Variants in H6PD observed in about 807,000 individuals in gnomAD.
H6PD encodes GDH/6PGL endoplasmic bifunctional protein.
In H6PD, 48 loss-of-function variants were observed where a neutral mutation model predicts 61.2. That is an observed-to-expected ratio of 0.78 (90% CI 0.62 to 1.00). The LOEUF is 1.00. Ranked by LOEUF, H6PD falls within the 50% of genes least tolerant of loss-of-function variation. The pLI is 0.00. For synonymous variants in H6PD, 480 were observed against 457.9 expected (o/e 1.05, Z -0.62); for missense variants, 1,093 against 1,065.0 (o/e 1.03, Z -0.37).
intron 3 of H6PD, among the ~76,000 whole-genome samples, chr1:9,259,942 G>A (rs1004127322): frequency 2.6e-5 from 4 of 151,094 alleles, no homozygotes; most frequent in African/African-American, 9.7e-5. Flanking sequence ...TGTTATGCTG[G>A]TGGTGTTATG....
intron 3 of H6PD, among the ~76,000 whole-genome samples, chr1:9,250,355 C>T (rs1055485054): frequency 6.6e-6 from 1 of 151,752 alleles, no homozygotes; most frequent in African/African-American, 2.4e-5. Context: ...AAGTGCACGG[C>T]AGGCCATTCT....
intron 1 of H6PD, among the ~76,000 whole-genome samples, chr1:9,236,531 A>T (rs1640853338): frequency 6.6e-6 from 1 of 152,108 alleles, no homozygotes; most frequent in African/African-American, 2.4e-5. Flanking sequence ...GGGGCAGCGG[A>T]TGCCTGTAAT....
chr1:9,246,885 T>A, intron 2 of H6PD, 81 bp from the exon 3 acceptor site: 1 of 950,948 alleles, frequency 1.1e-6, no homozygotes, highest in Non-Finnish European at 1.7e-6. Context: ...AATAGAAAGG[T>A]CAGAGCCCTT....
intron 1 of H6PD, among the ~76,000 whole-genome samples, chr1:9,240,688 C>A (rs2268172): frequency 0.27 from 41,792 of 152,122 alleles, 8,060 homozygotes; most frequent in African/African-American, 0.55. Flanking sequence ...ATTTTTTGAG[C>A]AGAAGTGATT....
At chr1:9,238,318 G>A (rs906386932) in intron 1 of H6PD, among the ~76,000 whole-genome samples, 3 of 152,134 alleles carry the variant, frequency 2.0e-5, no homozygotes, top group African/African-American at 4.8e-5. Context: ...TGTAGACTCT[G>A]CAGACATCTG....
chr1:9,265,179 A>C lies in H6PD; in HGVS notation c.*310A>C. 4.4e-6 allele frequency: 2 copies of C among 459,176 alleles called. No homozygotes were observed. Among genetic ancestry groups the C allele is most frequent in the Non-Finnish European group, 8.1e-6 (2 of 247,322 alleles). The allele number at this position is 459,176 out of a possible 1,614,324, so 28.4% of individuals were successfully genotyped here. ...ACACATTCATATCAACCAGCACAAC[A>C]CGGGATGGCGCCCAAACTCCGGCGT... On this transcript the variant is annotated 3_prime_UTR_variant, in exon 5 of 5. Coordinates refer to ENST00000377403, the MANE Select transcript of H6PD (RefSeq NM_004285.4).
At chr1:9,258,098 G>A (rs1355934010) in intron 3 of H6PD, among the ~76,000 whole-genome samples, 2 of 152,248 alleles carry the variant, frequency 1.3e-5, no homozygotes, top group African/African-American at 4.8e-5. Flanking sequence ...TGCGTGCAGG[G>A]TCTTTGTGAG....
chr1:9,268,165 G>A lies in H6PD; in HGVS notation c.*3296G>A, dbSNP rs1638630845. On this transcript the variant is annotated 3_prime_UTR_variant, in exon 5 of 5. Coordinates refer to ENST00000377403, the MANE Select transcript of H6PD (RefSeq NM_004285.4). ...GAGGTGGGAGGATCACCTGAGCCCA[G>A]GAGACTGAGGCTGCAGTAAGGTGTG... The A allele has an allele frequency of 6.6e-6, 1 of 150,906 alleles. No homozygotes were observed. The highest frequency in any genetic ancestry group is 1.5e-5 in the Non-Finnish European group (1 of 67,938). 9.3% of individuals were successfully genotyped at this position (150,906 alleles called of 1,614,324 possible).
In H6PD at chr1:9,268,186, G is replaced by A. The variant is rs1638631592; in HGVS notation, c.*3317G>A. 2 of 150,728 alleles carry A rather than the reference G, an allele frequency of 1.3e-5. No individual in the cohort carries two copies. The highest frequency in any genetic ancestry group is 6.7e-5 in the Admixed American group (1 of 15,030). 9.3% of individuals were successfully genotyped at this position (150,728 alleles called of 1,614,324 possible). On this transcript the variant is annotated 3_prime_UTR_variant, in exon 5 of 5. Coordinates refer to ENST00000377403, the MANE Select transcript of H6PD (RefSeq NM_004285.4). ...CCCAGGAGACTGAGGCTGCAGTAAG[G>A]TGTGATTGCACTATTGCTCTCTAGC...
chr1:9,244,504 C>G (rs1341611302), intron 1 of H6PD, among the ~76,000 whole-genome samples: 2 of 152,160 alleles, frequency 1.3e-5, no homozygotes, highest in African/African-American at 2.4e-5. Context: ...TTCCAACTGT[C>G]GCCTGAGGAC....
intron 1 of H6PD, chr1:9,242,458 AT>A: frequency 4.8e-6 from 2 of 419,252 alleles, no homozygotes; most frequent in Non-Finnish European, 6.4e-6. Context: ...AATATCTTGG[AT>A]TTGTTTAAAG....
chr1:9,235,997 T>C (rs557232309), intron 1 of H6PD, among the ~76,000 whole-genome samples: 78 of 152,294 alleles, frequency 5.1e-4, no homozygotes, highest in African/African-American at 1.9e-3. Context: ...AGTTTTTCCT[T>C]GGCATTTTTC....
At chr1:9,258,091 G>A (rs956633225) in intron 3 of H6PD, among the ~76,000 whole-genome samples, 2 of 152,260 alleles carry the variant, frequency 1.3e-5, no homozygotes, top group African/African-American at 4.8e-5. Flanking sequence ...CGGTGCCTGC[G>A]TGCAGGGTCT....
At chr1:9,242,231 G>C (rs1195815574) in intron 1 of H6PD, among the ~76,000 whole-genome samples, 2 of 152,040 alleles carry the variant, frequency 1.3e-5, no homozygotes, top group Admixed American at 6.6e-5. Flanking sequence ...TCTTGGACCA[G>C]CTGTCAGCAC....
rs1373768381 is a variant in H6PD, at chr1:9,254,956, C to A, written c.746-7103C>A. On this transcript the variant is annotated intron_variant, in intron 3 of 4. Transcript: ENST00000377403. The surrounding 1 kb of genome is among the most constrained non-coding windows in gnomAD (Gnocchi z 4.6). Reference sequence around the variant, plus strand: ...GATATTTTGTACATATAGGATCATACGGTGTGTGGTTTCCATCAGTTAGCA... The same window carrying A: ...GATATTTTGTACATATAGGATCATAAGGTGTGTGGTTTCCATCAGTTAGCA... 2.0e-5 allele frequency among the ~76,000 whole-genome samples: 3 copies of A among 152,180 alleles called. 1 individual carries two copies. In the South Asian group the frequency reaches 6.2e-4, roughly 32 times the overall value.
At chr1:9,262,571 G>C (rs893135959) in intron 4 of H6PD, among the ~76,000 whole-genome samples, 3 of 152,228 alleles carry the variant, frequency 2.0e-5, no homozygotes, top group Admixed American at 2.0e-4. Flanking sequence ...GTCAGCCCCA[G>C]TTCAGTCCCA....
chr1:9,262,090 C>T lies in H6PD; in HGVS notation c.777C>T (p.Val259=). 6.2e-7 allele frequency: 1 copy of T among 1,614,198 alleles called. No homozygotes were observed. Among genetic ancestry groups the T allele is most frequent in the South Asian group, 1.1e-5 (1 of 91,088 alleles). The change falls in exon 4 of 5, where the codon GTC becomes GTT. Residue 259 remains valine (V), a synonymous_variant. Transcript: ENST00000377403. ...GRTSFYEEYG[V]IRDVLQNHLT... ...CCAGCTTCTATGAGGAGTACGGTGT[C>T]ATTCGCGACGTCCTCCAGAACCATC...
Position 9,244,857 on chromosome 1 carries a change from C to T in H6PD, c.-10-68C>T, listed in dbSNP as rs140281420. On this transcript the variant is annotated intron_variant, in intron 1 of 4. Transcript: ENST00000377403. ...TTGCCAGGCAGGAAGTGTTTGTTTC[C>T]ACATCGTAGCCACCTGAACCATGTC... 1.6e-4 allele frequency: 232 copies of T among 1,450,862 alleles called. No homozygotes were observed. The East Asian group carries it at 4.7e-3, about 29-fold the overall frequency. 89.9% of individuals were successfully genotyped at this position (1,450,862 alleles called of 1,614,324 possible).
Position 9,264,486 on chromosome 1 carries a change from G to A in H6PD, c.1993G>A (p.Glu665Lys), listed in dbSNP as rs145968075. 6.8e-5 allele frequency: 110 copies of A among 1,613,152 alleles called. No individual in the cohort carries two copies. Among genetic ancestry groups the A allele is most frequent in the African/African-American group, 2.5e-4 (19 of 75,036 alleles). The change falls in exon 5 of 5, where the codon GAG becomes AAG. Residue 665 changes from glutamate to lysine, a missense_variant. Coordinates refer to ENST00000377403, the MANE Select transcript of H6PD (RefSeq NM_004285.4). ...PVHLQQRLCAEEDQGAQIYAR... is the reference protein window; with the variant it reads ...PVHLQQRLCAKEDQGAQIYAR... Reference sequence around the variant, plus strand: ...GCACCTGCAGCAGCGGCTCTGCGCCGAGGAGGACCAGGGCGCCCAGATCTA... The same window carrying A: ...GCACCTGCAGCAGCGGCTCTGCGCCAAGGAGGACCAGGGCGCCCAGATCTA...
Sources: gnomAD v4.1 joint callset for allele counts (sites outside exome capture counted in the v4.1 genomes callset) on GRCh38, gnomAD v4.1.1 for gene constraint, Gnocchi (gnomAD v3.1) non-coding constraint, MANE v1.5 for transcripts, NCBI Gene and HGNC (gene_info 2026-07-23, HGNC 2026-07-21) for gene names.